The following SLC16A7 variants were observed in gnomAD, a reference collection of about 807,000 sequenced individuals.
SLC16A7 encodes the protein solute carrier family 16 member 7, also known as monocarboxylate transporter 2.
A neutral mutation model predicts 34.9 loss-of-function variants in SLC16A7; 33 were observed. The observed-to-expected ratio is 0.94, with a 90% CI of 0.72 to 1.26. The LOEUF (loss-of-function observed/expected upper bound fraction) is 1.26. Among genes scored for constraint, SLC16A7 ranks in the 50% most tolerant of loss-of-function variants. The probability of loss-of-function intolerance (pLI) is 0.00; values close to 1 mark genes in which losing one functional copy is unlikely to be tolerated. For missense variants in SLC16A7, 573 were observed against 578.1 expected (o/e 0.99, Z 0.09); for synonymous variants, 201 against 206.6 (o/e 0.97, Z 0.23).
intron 1 of SLC16A7, among the ~76,000 whole-genome samples, chr12:59,602,209 T>G (rs1236214753): frequency 1.3e-5 from 2 of 152,200 alleles, no homozygotes; most frequent in Non-Finnish European, 2.9e-5. Flanking sequence ...ATATTTTGTT[T>G]TGAAACAATG....
At chr12:59,600,749 G>C (rs911326433) in intron 1 of SLC16A7, among the ~76,000 whole-genome samples, 3 of 152,170 alleles carry the variant, frequency 2.0e-5, no homozygotes, top group African/African-American at 7.2e-5. Flanking sequence ...AGTCCAGCTG[G>C]AGCTGGACTA....
chr12:59,752,448 C>T (rs893699492), intron 3 of SLC16A7, among the ~76,000 whole-genome samples: 1 of 151,916 alleles, frequency 6.6e-6, no homozygotes, highest in Non-Finnish European at 1.5e-5. Context: ...TCGAGAACTA[C>T]GTGAAAAATG....
intron 1 of SLC16A7, among the ~76,000 whole-genome samples, chr12:59,632,379 G>A (rs1880221123): frequency 6.6e-6 from 1 of 151,914 alleles, no homozygotes; most frequent in Non-Finnish European, 1.5e-5. Flanking sequence ...CTCAACCTCA[G>A]CACTATTAAT....
chr12:59,724,134 C>G (rs544010549), intron 3 of SLC16A7, among the ~76,000 whole-genome samples: 1 of 152,014 alleles, frequency 6.6e-6, no homozygotes, highest in Non-Finnish European at 1.5e-5. Flanking sequence ...AGCAGAGAAG[C>G]CTGAAGGCTG....
chr12:59,645,097 G>A (rs931527241), intron 1 of SLC16A7, among the ~76,000 whole-genome samples: 2 of 152,058 alleles, frequency 1.3e-5, no homozygotes, highest in Middle Eastern at 3.2e-3. Context: ...ACTCTCACAG[G>A]GGAGAAACCT....
intron 1 of SLC16A7, among the ~76,000 whole-genome samples, chr12:59,627,098 A>G (rs1879961601): frequency 6.6e-6 from 1 of 151,794 alleles, no homozygotes; most frequent in Admixed American, 6.6e-5. Flanking sequence ...CTTTTCCCTC[A>G]TTAGAAATGA....
At chr12:59,776,024 G>A (rs1191300023) in intron 5 of SLC16A7, among the ~76,000 whole-genome samples, 1 of 152,040 alleles carries the variant, frequency 6.6e-6, no homozygotes, top group Non-Finnish European at 1.5e-5. Context: ...TTTATTCACA[G>A]TTTTTTTGAG....
chr12:59,649,875 G>T (rs1216167833), intron 1 of SLC16A7, among the ~76,000 whole-genome samples: 1 of 152,028 alleles, frequency 6.6e-6, no homozygotes, highest in Non-Finnish European at 1.5e-5. Flanking sequence ...CTTGAACCTT[G>T]GAGGTGGAGG....
chr12:59,675,304 G>A (rs1870218339), intron 2 of SLC16A7, among the ~76,000 whole-genome samples: 1 of 152,212 alleles, frequency 6.6e-6, no homozygotes, highest in African/African-American at 2.4e-5. Context: ...GCCTTTGGGA[G>A]GTAATTAAGT....
At chr12:59,628,693 T>G (rs1326112553) in intron 1 of SLC16A7, among the ~76,000 whole-genome samples, 2 of 151,762 alleles carry the variant, frequency 1.3e-5, no homozygotes, top group Non-Finnish European at 2.9e-5. Flanking sequence ...TGTGCGCGTA[T>G]TTTGTCCAGT....
chr12:59,763,741 G>T (rs1362341673), intron 3 of SLC16A7, among the ~76,000 whole-genome samples: 1 of 152,096 alleles, frequency 6.6e-6, no homozygotes, highest in African/African-American at 2.4e-5. Context: ...ATGACAGCAT[G>T]TGCTGACTTT....
At chr12:59,672,452 T>C (rs1256389637) in intron 2 of SLC16A7, among the ~76,000 whole-genome samples, 2 of 151,006 alleles carry the variant, frequency 1.3e-5, no homozygotes, top group Non-Finnish European at 3.0e-5. Context: ...GTGGAGTACT[T>C]AGAGCCCCCT....
At chr12:59,711,676 G>A (rs1236895030) in intron 3 of SLC16A7, among the ~76,000 whole-genome samples, 1 of 152,074 alleles carries the variant, frequency 6.6e-6, no homozygotes, top group Non-Finnish European at 1.5e-5. Flanking sequence ...GCACCACCAT[G>A]CCCAGCTAAT....
intron 1 of SLC16A7, among the ~76,000 whole-genome samples, chr12:59,623,648 TA>T (rs1341003005): frequency 6.6e-6 from 1 of 151,770 alleles, no homozygotes; most frequent in Admixed American, 6.6e-5. Flanking sequence ...ACTATCTAAT[TA>T]ATTCTGTTTT....
In SLC16A7 at chr12:59,779,450, A is replaced by G. The variant is rs529426824; in HGVS notation, c.1208A>G (p.Tyr403Cys). 22 of 1,606,016 alleles carry G rather than the reference A, an allele frequency of 1.4e-5. No homozygotes were observed. Among genetic ancestry groups the G allele is most frequent in the Admixed American group, 3.4e-5 (2 of 58,760 alleles). The part of the protein sequence containing the change: ...AGKLVDLTGE[Y>C]KYMYMSCGAI... ...AAATTGGTGGATTTAACTGGAGAAT[A>G]TAAATACATGTACATGTCCTGTGGG... The change falls in exon 6 of 6, where the codon TAT becomes TGT. Residue 403 changes from tyrosine to cysteine, a missense_variant. Coordinates refer to ENST00000547379, the MANE Select transcript of SLC16A7 (RefSeq NM_001270623.2).
intron 2 of SLC16A7, among the ~76,000 whole-genome samples, chr12:59,667,997 C>T (rs1477642076): frequency 6.6e-6 from 1 of 152,202 alleles, no homozygotes; most frequent in African/African-American, 2.4e-5. Context: ...TGGTGTTGAG[C>T]CTGTGGATAC....
At chr12:59,671,922 T>C (rs200941974) in intron 2 of SLC16A7, among the ~76,000 whole-genome samples, 5,603 of 43,226 alleles carry the variant, frequency 0.13, 2,189 homozygotes, top group East Asian at 0.74. Flanking sequence ...TGTATATATG[T>C]ATATATCCAT....
At chr12:59,669,975 T>C (rs1413329430) in intron 2 of SLC16A7, among the ~76,000 whole-genome samples, 1 of 152,296 alleles carries the variant, frequency 6.6e-6, no homozygotes, top group East Asian at 1.9e-4. Flanking sequence ...AGGGCTGCCA[T>C]AACAAAGTAC....
In SLC16A7 at chr12:59,596,504, G is replaced by C. The variant is rs1249908282; in HGVS notation, c.-130+268G>C. 1.2e-5 allele frequency among the ~76,000 whole-genome samples: 1 copy of C among 84,452 alleles called. No individual in the cohort carries two copies. The highest frequency in any genetic ancestry group is 2.4e-5 in the Non-Finnish European group (1 of 42,496). The allele number at this position is 84,452 out of a possible 152,430, so 55.4% of individuals were successfully genotyped here. A position where few individuals can be genotyped will look rare whatever the true frequency, so the allele number is the denominator to read the frequency against. On this transcript the variant is annotated intron_variant, in intron 1 of 5. Transcript: ENST00000547379. The surrounding 1 kb of genome is among the most constrained non-coding windows in gnomAD (Gnocchi z 5.0). ...GCCCGGGAACTGAGGGGGCGCGCGG[G>C]GTCCTGGGCAAGGAGCGCCTCGCGT...
Sources: gnomAD v4.1 joint callset for allele counts (sites outside exome capture counted in the v4.1 genomes callset) on GRCh38, gnomAD v4.1.1 for gene constraint, Gnocchi (gnomAD v3.1) non-coding constraint, MANE v1.5 for transcripts, NCBI Gene and HGNC (gene_info 2026-07-23, HGNC 2026-07-21) for gene names.